The following ETFA variants were observed in gnomAD, a reference collection of about 807,000 sequenced individuals.
ETFA encodes electron transfer flavoprotein subunit alpha, mitochondrial.
ETFA carries 22 observed loss-of-function variants against 46.2 expected under a neutral mutation model. The observed-to-expected ratio is 0.48, with a 90% CI of 0.34 to 0.68. The LOEUF (loss-of-function observed/expected upper bound fraction) is 0.68, where lower values mean the gene tolerates loss of function less well. ETFA is among the 30% of genes least tolerant of loss of function. The probability of loss-of-function intolerance (pLI) is 0.01; values close to 1 mark genes in which losing one functional copy is unlikely to be tolerated. For missense variants in ETFA, 345 were observed against 401.1 expected (o/e 0.86, Z 1.19); for synonymous variants, 131 against 139.9 (o/e 0.94, Z 0.45).
Position 76,294,268 on chromosome 15 carries a change from C to A in ETFA, c.186+1323G>T, listed in dbSNP as rs575182718. On this transcript the variant is annotated intron_variant, in intron 2 of 11. Transcript: ENST00000557943. ...AAAACAAACAACAAATCACAAATTC[C>A]TATATATCCAAAAACAGGGAAACCA... 5.4e-4 allele frequency among the ~76,000 whole-genome samples: 82 copies of A among 152,084 alleles called. 4 individuals carry two copies. The South Asian group carries it at 0.016, about 30-fold the overall frequency.
chr15:76,271,939 A>C (rs895582559), intron 9 of ETFA, among the ~76,000 whole-genome samples: 9 of 145,622 alleles, frequency 6.2e-5, no homozygotes, highest in East Asian at 2.1e-4. Flanking sequence ...ACACACACAC[A>C]CCCTGAGTTA....
chr15:76,256,151 AG>A (rs2039343494), intron 9 of ETFA, among the ~76,000 whole-genome samples: 1 of 151,682 alleles, frequency 6.6e-6, no homozygotes, highest in African/African-American at 2.4e-5. Flanking sequence ...CCAGCTACTC[AG>A]GAGGCTGAGG....
intron 9 of ETFA, among the ~76,000 whole-genome samples, chr15:76,253,313 A>G (rs2039318596): frequency 1.3e-5 from 2 of 152,216 alleles, no homozygotes; most frequent in Non-Finnish European, 2.9e-5. Flanking sequence ...ATTTAAAAAA[A>G]TAACAAAATT....
At chr15:76,253,775 A>G (rs892069800) in intron 9 of ETFA, among the ~76,000 whole-genome samples, 7 of 152,346 alleles carry the variant, frequency 4.6e-5, no homozygotes, top group African/African-American at 1.7e-4. Context: ...GGCTGCCAAA[A>G]ACCTAATGCA....
chr15:76,243,106 G>A (rs1488689944), intron 9 of ETFA, among the ~76,000 whole-genome samples: 1 of 152,084 alleles, frequency 6.6e-6, no homozygotes, highest in East Asian at 1.9e-4. Flanking sequence ...AGACCAGACT[G>A]TCAACATGGT....
At chr15:76,216,822 T>C (rs2038900879) in intron 11 of ETFA, among the ~76,000 whole-genome samples, 1 of 149,016 alleles carries the variant, frequency 6.7e-6, no homozygotes, top group African/African-American at 2.5e-5. Context: ...GCCCACTCAT[T>C]GCCTAGGTGC....
intron 9 of ETFA, among the ~76,000 whole-genome samples, chr15:76,273,429 G>A (rs961102183): frequency 3.8e-4 from 58 of 151,884 alleles, no homozygotes; most frequent in African/African-American, 1.1e-3. Context: ...GGTGGTGGGC[G>A]CCTGTAATCC....
chr15:76,308,264 G>A (rs950806832), intron 1 of ETFA, among the ~76,000 whole-genome samples: 1 of 152,164 alleles, frequency 6.6e-6, no homozygotes, highest in African/African-American at 2.4e-5. Context: ...TGCTAAGACT[G>A]GGTAAAAGTC....
Position 76,216,259 on chromosome 15 carries a change from C to A in ETFA, c.*300G>T. 3.6e-6 allele frequency: 1 copy of A among 275,440 alleles called. No individual in the cohort carries two copies. The highest frequency in any genetic ancestry group is 8.0e-5 in the South Asian group (1 of 12,548). The allele number at this position is 275,440 out of a possible 1,614,324, so 17.1% of individuals were successfully genotyped here. A position where few individuals can be genotyped will look rare whatever the true frequency, so the allele number is the denominator to read the frequency against. The stretch of plus-strand genomic sequence containing the variant: ...AATAAACAAAATTTTTACTCCTTTT[C>A]TTCAATTTTCTCTAGAGGCTAGGCA... On this transcript the variant is annotated 3_prime_UTR_variant, in exon 12 of 12. Transcript: ENST00000557943.
chr15:76,235,792 T>C (rs1374680063), intron 9 of ETFA, among the ~76,000 whole-genome samples: 6 of 152,176 alleles, frequency 3.9e-5, no homozygotes, highest in African/African-American at 9.7e-5. Context: ...GAAAAGCCGT[T>C]AGGAGCAGAA....
chr15:76,286,548 C>T (rs1223757035), intron 5 of ETFA, 67 bp from the exon 6 acceptor site: 1 of 944,168 alleles, frequency 1.1e-6, no homozygotes, highest in Non-Finnish European at 1.7e-6. Flanking sequence ...TCCTTTGATG[C>T]TTGGAATTTA....
intron 9 of ETFA, chr15:76,259,660 A>C (rs1227188354): frequency 2.1e-6 from 2 of 957,776 alleles, no homozygotes; most frequent in Non-Finnish European, 3.4e-6. Context: ...CCCTAACAAT[A>C]GTAGCCCCGC....
chr15:76,228,177 T>C (rs1416924634), intron 10 of ETFA: 4 of 359,678 alleles, frequency 1.1e-5, no homozygotes, highest in Non-Finnish European at 2.2e-5. Context: ...TTATACTATA[T>C]AACAATTGTT....
chr15:76,239,372 C>T (rs1426390556), intron 9 of ETFA, among the ~76,000 whole-genome samples: 1 of 152,188 alleles, frequency 6.6e-6, no homozygotes, highest in Non-Finnish European at 1.5e-5. Flanking sequence ...ATATCTATCA[C>T]ATCACAATTA....
intron 1 of ETFA, among the ~76,000 whole-genome samples, chr15:76,298,455 CT>C: frequency 6.6e-6 from 1 of 152,294 alleles, no homozygotes; most frequent in African/African-American, 2.4e-5. Context: ...GAATGCCCCC[CT>C]ACCCAACTTT....
In ETFA at chr15:76,239,902, G is replaced by A. The variant is rs143879096; in HGVS notation, c.817-8504C>T. 5.2e-3 allele frequency among the ~76,000 whole-genome samples: 796 copies of A among 152,034 alleles called. 8 individuals are homozygous for A. The highest frequency in any genetic ancestry group is 0.018 in the African/African-American group (736 of 41,430). On this transcript the variant is annotated intron_variant, in intron 9 of 11. Coordinates refer to ENST00000557943, the MANE Select transcript of ETFA (RefSeq NM_000126.4). ...GTCTCCTTATCATGAATAATGACAA[G>A]CTACACTGTTTAGATTTATTGCTCT...
intron 10 of ETFA, among the ~76,000 whole-genome samples, chr15:76,226,528 G>A (rs528282312): frequency 2.0e-5 from 3 of 152,178 alleles, no homozygotes; most frequent in Admixed American, 6.5e-5. Flanking sequence ...AGGTTGCAGT[G>A]AGCAGAGATC....
intron 1 of ETFA, among the ~76,000 whole-genome samples, chr15:76,302,589 T>C (rs1389038327): frequency 2.0e-5 from 3 of 152,116 alleles, no homozygotes; most frequent in Non-Finnish European, 4.4e-5. Flanking sequence ...TATGATATAA[T>C]AATGGTAGAT....
At chr15:76,256,175 T>C (rs1033933088) in intron 9 of ETFA, among the ~76,000 whole-genome samples, 7 of 150,926 alleles carry the variant, frequency 4.6e-5, no homozygotes, top group African/African-American at 1.7e-4. Flanking sequence ...CCAGAATCAC[T>C]TGAACCCGGG....
Sources: allele counts gnomAD v4.1 joint callset (sites outside exome capture counted in the v4.1 genomes callset), GRCh38; gene constraint gnomAD v4.1.1; transcripts MANE v1.5; gene names NCBI Gene and HGNC (gene_info 2026-07-23, HGNC 2026-07-21).